The following GJC2 variants were observed in gnomAD, a reference collection of about 807,000 sequenced individuals.
The protein encoded by GJC2 is gap junction gamma-2 protein.
For missense variants in GJC2, 647 were observed against 648.9 expected (o/e 1.00, Z 0.03); for synonymous variants, 336 against 307.5 (o/e 1.09, Z -0.97).
rs1490055239 is a variant in GJC2 at position 228,158,940 on chromosome 1, G to C, written c.1182G>C (p.Thr394=). The C allele has an allele frequency of 6.4e-7, 1 of 1,552,074 alleles. No individual in the cohort carries two copies. The highest frequency in any genetic ancestry group is 1.2e-5 in the South Asian group (1 of 86,642). The change falls in exon 2 of 2, where the codon ACG becomes ACC. Residue 394 remains threonine (T), a synonymous_variant. Coordinates refer to ENST00000366714, the MANE Select transcript of GJC2 (RefSeq NM_020435.4). This position sits in a 1 kb window ranked among gnomAD's most constrained non-coding sequence, Gnocchi z 8.3. Reference sequence around the variant, plus strand: ...GAGCAGGCGCCCCCGCGTCCCGGACGGGCAGTGCTACCTCTGCGGGCACTG... The same window carrying C: ...GAGCAGGCGCCCCCGCGTCCCGGACCGGCAGTGCTACCTCTGCGGGCACTG... ...PPRAGAPASR[T]GSATSAGTVG... is the part of the protein sequence containing the mutation.
chr1:228,153,990 A>C (rs184670728), intron 1 of GJC2, among the ~76,000 whole-genome samples: 1 of 152,134 alleles, frequency 6.6e-6, no homozygotes, highest in African/African-American at 2.4e-5. Context: ...TGAGCTCAGT[A>C]AGATTTACAG....
chr1:228,153,266 G>A (rs1254826644), intron 1 of GJC2, among the ~76,000 whole-genome samples: 1 of 151,990 alleles, frequency 6.6e-6, no homozygotes, highest in Non-Finnish European at 1.5e-5. Context: ...GCTCATGCCT[G>A]TAATCCCAGC....
chr1:228,157,737 C>CCGGGGGGGGGGGGGGGGGGCG lies in GJC2; in HGVS notation c.-19-3_-19-2insCGGGGGGGGGGGGGGGGGGCG. On this transcript the variant is annotated splice_region_variant and splice_polypyrimidine_tract_variant and intron_variant, in intron 1 of 1. Coordinates refer to ENST00000366714, the MANE Select transcript of GJC2 (RefSeq NM_020435.4). Reference sequence around the variant, plus strand: ...CCTGGCTGACCCCTACCCCGCCCCACAGGACCCGCCCGCCCGCCCCTATGA... The same window carrying CCGGGGGGGGGGGGGGGGGGCG: ...CCTGGCTGACCCCTACCCCGCCCCACCGGGGGGGGGGGGGGGGGGCGAGGACCCGCCCGCCCGCCCCTATGA... 1.5e-6 allele frequency: 1 copy of CCGGGGGGGGGGGGGGGGGGCG among 682,662 alleles called. No individual in the cohort carries two copies. The highest frequency in any genetic ancestry group is 2.7e-6 in the Non-Finnish European group (1 of 374,192). The allele number at this position is 682,662 out of a possible 1,614,324, so 42.3% of individuals were successfully genotyped here.
At chr1:228,154,747 G>T (rs771295144) in intron 1 of GJC2, among the ~76,000 whole-genome samples, 1 of 152,248 alleles carries the variant, frequency 6.6e-6, no homozygotes, top group Non-Finnish European at 1.5e-5. Flanking sequence ...TTCTTTCACT[G>T]CTCAGAGGGA....
chr1:228,150,609 C>T lies in GJC2; in HGVS notation c.-20+602C>T, dbSNP rs374289264. ...AGTGCTGTGATTAACTGGGTGGAGGCCCCCCCGGGGTGCTGGGGCAGGCCC... is the reference window on the plus strand; with the variant it reads ...AGTGCTGTGATTAACTGGGTGGAGGTCCCCCCGGGGTGCTGGGGCAGGCCC... On this transcript the variant is annotated intron_variant, in intron 1 of 1. Coordinates refer to ENST00000366714, the MANE Select transcript of GJC2 (RefSeq NM_020435.4). The surrounding 1 kb of genome is among the most constrained non-coding windows in gnomAD (Gnocchi z 4.6). Among the ~76,000 whole-genome samples, 142 of 152,190 alleles carry T rather than the reference C, an allele frequency of 9.3e-4. 2 individuals are homozygous for T. The East Asian group carries it at 0.015, about 16-fold the overall frequency.
At position 228,159,365 on chromosome 1, in the gene GJC2, T is replaced by C; in HGVS notation, c.*287T>C. ...TGGGGCATTGACTCCACCCCTGTCC[T>C]GAGCTGGAATAGGTCCTCTGGGATG... On this transcript the variant is annotated 3_prime_UTR_variant, in exon 2 of 2. Transcript: ENST00000366714. This position sits in a 1 kb window ranked among gnomAD's most constrained non-coding sequence, Gnocchi z 4.0. The C allele has an allele frequency of 2.2e-6, 1 of 457,916 alleles. No homozygotes were observed. The highest frequency in any genetic ancestry group is 3.9e-5 in the Admixed American group (1 of 25,428). 28.4% of individuals were successfully genotyped at this position (457,916 alleles called of 1,614,324 possible). A position where few individuals can be genotyped will look rare whatever the true frequency, so the allele number is the denominator to read the frequency against.
At chr1:228,155,508 A>T (rs1021569386) in intron 1 of GJC2, among the ~76,000 whole-genome samples, 1 of 152,130 alleles carries the variant, frequency 6.6e-6, no homozygotes, top group African/African-American at 2.4e-5. Flanking sequence ...GCAGAGTGGC[A>T]TTTGGGTGTG....
At position 228,151,557 on chromosome 1, in the gene GJC2, C is replaced by G. The variant is rs371863508; in HGVS notation, c.-20+1550C>G. Among the ~76,000 whole-genome samples the G allele has an allele frequency of 6.6e-6, 1 of 152,016 alleles. No homozygotes were observed. On this transcript the variant is annotated intron_variant, in intron 1 of 1. Coordinates refer to ENST00000366714, the MANE Select transcript of GJC2 (RefSeq NM_020435.4). This position sits in a 1 kb window ranked among gnomAD's most constrained non-coding sequence, Gnocchi z 5.4. ...TGTGAGCCCAGCTCCATGTTGAGCT[C>G]GAGCAGCAGTGTGCATGTGGCAGTG... is the stretch of plus-strand genomic sequence containing the variant.
chr1:228,152,581 C>A lies in GJC2; in HGVS notation c.-20+2574C>A, dbSNP rs939872070. ...CCAGAGGTGGCCCCCACTGTGAGCC[C>A]CCATGGTGAGTCCCTTTGCTCTTGC... On this transcript the variant is annotated intron_variant, in intron 1 of 1. Transcript: ENST00000366714. This position sits in a 1 kb window ranked among gnomAD's most constrained non-coding sequence, Gnocchi z 7.3. Among the ~76,000 whole-genome samples, 1 of 152,048 alleles carries A rather than the reference C, an allele frequency of 6.6e-6. No individual in the cohort carries two copies. Among genetic ancestry groups the A allele is most frequent in the Non-Finnish European group, 1.5e-5 (1 of 67,970 alleles).
chr1:228,157,972 G>T lies in GJC2; in HGVS notation c.214G>T (p.Ala72Ser). 6.2e-7 allele frequency: 1 copy of T among 1,612,436 alleles called. No individual in the cohort carries two copies. The highest frequency in any genetic ancestry group is 8.5e-7 in the Non-Finnish European group (1 of 1,179,762). ...GCDNVCYDAFAPLSHVRFWVF... is the reference protein window; with the variant it reads ...GCDNVCYDAFSPLSHVRFWVF... ...CGACAACGTCTGCTATGACGCCTTC[G>T]CGCCCCTGTCGCACGTGCGCTTCTG... is the stretch of plus-strand genomic sequence containing the variant. The change falls in exon 2 of 2, where the codon GCG becomes TCG. Residue 72 changes from alanine to serine, a missense_variant. Physicochemically the swap from Ala to Ser is moderately conservative, Grantham distance 99. Transcript: ENST00000366714.
rs535046687 is a variant in GJC2, at chr1:228,150,416, C to T, written c.-20+409C>T. ...TCCAGGCCCAGTCCCCCACCCTCAG[C>T]GGCCACCTGGAGGTGAGGGGGCCAG... On this transcript the variant is annotated intron_variant, in intron 1 of 1. Coordinates refer to ENST00000366714, the MANE Select transcript of GJC2 (RefSeq NM_020435.4). The surrounding 1 kb of genome is among the most constrained non-coding windows in gnomAD (Gnocchi z 4.6). 1.3e-5 allele frequency among the ~76,000 whole-genome samples: 2 copies of T among 152,284 alleles called. No individual in the cohort carries two copies. The highest frequency in any genetic ancestry group is 2.4e-5 in the African/African-American group (1 of 41,560).
rs2034741592 is a variant in GJC2, at chr1:228,159,470, T to C, written c.*392T>C. On this transcript the variant is annotated 3_prime_UTR_variant, in exon 2 of 2. Coordinates refer to ENST00000366714, the MANE Select transcript of GJC2 (RefSeq NM_020435.4). This position sits in a 1 kb window ranked among gnomAD's most constrained non-coding sequence, Gnocchi z 4.0. ...TGGTATGGGCATCAGTTGGTGGGGG[T>C]GCGGGGGTGCGTGTCCCCATTCCCT... 1 of 222,498 alleles carries C rather than the reference T, an allele frequency of 4.5e-6. No individual in the cohort carries two copies. The highest frequency in any genetic ancestry group is 9.3e-5 in the South Asian group (1 of 10,720). The allele number at this position is 222,498 out of a possible 1,614,324, so 13.8% of individuals were successfully genotyped here. A position where few individuals can be genotyped will look rare whatever the true frequency, so the allele number is the denominator to read the frequency against.
In GJC2 at chr1:228,157,971, C is replaced by A. The variant is rs1442145269; in HGVS notation, c.213C>A (p.Phe71Leu). The A allele has an allele frequency of 1.2e-6, 2 of 1,612,456 alleles. No individual in the cohort carries two copies. The highest frequency in any genetic ancestry group is 1.1e-5 in the South Asian group (1 of 91,010). ...GCGACAACGTCTGCTATGACGCCTT[C>A]GCGCCCCTGTCGCACGTGCGCTTCT... Reference protein sequence around the residue: ...PGCDNVCYDAFAPLSHVRFWV... With the variant: ...PGCDNVCYDALAPLSHVRFWV... The change falls in exon 2 of 2, where the codon TTC becomes TTA. Residue 71 changes from phenylalanine to leucine, a missense_variant. Physicochemically the swap from Phe to Leu is conservative, Grantham distance 22 (BLOSUM62 0). Coordinates refer to ENST00000366714, the MANE Select transcript of GJC2 (RefSeq NM_020435.4).
At chr1:228,157,537 A>G (rs563873751) in intron 1 of GJC2, among the ~76,000 whole-genome samples, 16 of 152,182 alleles carry the variant, frequency 1.1e-4, no homozygotes, top group African/African-American at 3.6e-4. Flanking sequence ...CATGAAGGCA[A>G]CTCACCCAGC....
In GJC2 at chr1:228,152,119, T is replaced by C. The variant is rs962439095; in HGVS notation, c.-20+2112T>C. Among the ~76,000 whole-genome samples, 1 of 151,994 alleles carries C rather than the reference T, an allele frequency of 6.6e-6. No homozygotes were observed. The highest frequency in any genetic ancestry group is 1.5e-5 in the Non-Finnish European group (1 of 67,970). Reference sequence around the variant, plus strand: ...TGCAGGAGCTCCAGGGAAGTGGGACTGGGAATCTGCTTTGGACTGTGAGTG... The same window carrying C: ...TGCAGGAGCTCCAGGGAAGTGGGACCGGGAATCTGCTTTGGACTGTGAGTG... On this transcript the variant is annotated intron_variant, in intron 1 of 1. Coordinates refer to ENST00000366714, the MANE Select transcript of GJC2 (RefSeq NM_020435.4). The surrounding 1 kb of genome is among the most constrained non-coding windows in gnomAD (Gnocchi z 7.3).
chr1:228,159,318 G>A lies in GJC2; in HGVS notation c.*240G>A. 2 of 576,352 alleles carry A rather than the reference G, an allele frequency of 3.5e-6. No homozygotes were observed. The highest frequency in any genetic ancestry group is 2.1e-5 in the South Asian group (1 of 47,730). 35.7% of individuals were successfully genotyped at this position (576,352 alleles called of 1,614,324 possible). A position where few individuals can be genotyped will look rare whatever the true frequency, so the allele number is the denominator to read the frequency against. On this transcript the variant is annotated 3_prime_UTR_variant, in exon 2 of 2. Coordinates refer to ENST00000366714, the MANE Select transcript of GJC2 (RefSeq NM_020435.4). This position sits in a 1 kb window ranked among gnomAD's most constrained non-coding sequence, Gnocchi z 4.0. ...TAGGAGCCAGAAAGGGCCCTCTGCTGTGGTCTGAACCCCAGGGGGAGTGGG... is the reference window on the plus strand; with the variant it reads ...TAGGAGCCAGAAAGGGCCCTCTGCTATGGTCTGAACCCCAGGGGGAGTGGG...
intron 1 of GJC2, among the ~76,000 whole-genome samples, chr1:228,154,402 C>T (rs1300310250): frequency 2.0e-5 from 3 of 152,178 alleles, no homozygotes; most frequent in African/African-American, 7.2e-5. Context: ...ATGGAGTTGA[C>T]GTGACCTTCC....
rs1407557539 is a variant in GJC2, at chr1:228,157,782, C to T, written c.24C>T (p.Phe8=). ...CTATGACCAACATGAGCTGGAGCTT[C>T]CTGACGCGGCTGCTGGAGGAGATCC... The part of the protein sequence containing the change: MTNMSWS[F]LTRLLEEIHN... The change falls in exon 2 of 2, where the codon TTC becomes TTT. Residue 8 remains phenylalanine, a synonymous_variant. Coordinates refer to ENST00000366714, the MANE Select transcript of GJC2 (RefSeq NM_020435.4). The T allele has an allele frequency of 8.1e-7, 1 of 1,234,786 alleles. No individual in the cohort carries two copies. The highest frequency in any genetic ancestry group is 1.1e-6 in the Non-Finnish European group (1 of 921,758). 76.5% of individuals were successfully genotyped at this position (1,234,786 alleles called of 1,614,324 possible). A position where few individuals can be genotyped will look rare whatever the true frequency, so the allele number is the denominator to read the frequency against.
chr1:228,158,976 G>C lies in GJC2; in HGVS notation c.1218G>C (p.Gln406His). The C allele has an allele frequency of 2.5e-6, 4 of 1,597,448 alleles. No individual in the cohort carries two copies. The highest frequency in any genetic ancestry group is 3.4e-6 in the Non-Finnish European group (4 of 1,173,854). ...SATSAGTVGE[Q>H]GRPGTHERPG... is the part of the protein sequence containing the mutation. ...CCTCTGCGGGCACTGTCGGGGAGCA[G>C]GGCCGGCCCGGCACCCACGAGCGGC... Residue 406 changes from glutamine (Q) to histidine (H), a missense_variant, in exon 2 of 2, where the codon CAG becomes CAC. Physicochemically the swap from Gln to His is conservative, Grantham distance 24. Coordinates refer to ENST00000366714, the MANE Select transcript of GJC2 (RefSeq NM_020435.4). This position sits in a 1 kb window ranked among gnomAD's most constrained non-coding sequence, Gnocchi z 8.3.
Sources: allele counts gnomAD v4.1 joint callset (sites outside exome capture counted in the v4.1 genomes callset), GRCh38; gene constraint gnomAD v4.1.1; non-coding constraint Gnocchi (gnomAD v3.1); transcripts MANE v1.5; gene names NCBI Gene and HGNC (gene_info 2026-07-23, HGNC 2026-07-21).